RNF144B: variants seen among roughly 807,000 people sequenced by gnomAD.
RNF144B encodes ring finger protein 144B, also known as E3 ubiquitin-protein ligase RNF144B.
In RNF144B, 25 loss-of-function variants were observed where a neutral mutation model predicts 40.2. That is an observed-to-expected ratio of 0.62 (90% confidence interval 0.45 to 0.87). RNF144B has a LOEUF of 0.87. Among genes scored for constraint, RNF144B ranks in the 40% least tolerant of loss-of-function variants. The probability of loss-of-function intolerance (pLI) is 0.00; values close to 1 mark genes in which losing one functional copy is unlikely to be tolerated. For missense variants in RNF144B, 365 were observed against 373.7 expected (o/e 0.98, Z 0.19); for synonymous variants, 145 against 136.3 (o/e 1.06, Z -0.44).
rs184049935 is a variant in RNF144B, at chr6:18,401,535, G to A, written c.165+1836G>A. Among the ~76,000 whole-genome samples, 64 of 152,174 alleles carry A rather than the reference G, an allele frequency of 4.2e-4. No individual in the cohort carries two copies. The East Asian group carries it at 0.01, about 24-fold the overall frequency. Reference sequence around the variant, plus strand: ...CCTGTGAGCTGCCAAAATAGTAAGCGGTGTATGATTACATTAGTGTCTGTA... The same window carrying A: ...CCTGTGAGCTGCCAAAATAGTAAGCAGTGTATGATTACATTAGTGTCTGTA... On this transcript the variant is annotated intron_variant, in intron 2 of 7. Transcript: ENST00000259939.
At chr6:18,431,039 G>A (rs887073880) in intron 3 of RNF144B, among the ~76,000 whole-genome samples, 1 of 151,830 alleles carries the variant, frequency 6.6e-6, no homozygotes, top group Non-Finnish European at 1.5e-5. Context: ...TCAGGAGATC[G>A]AGACCATCCG....
In RNF144B at chr6:18,444,201, G is replaced by A. The variant is rs116413205; in HGVS notation, c.331+4457G>A. On this transcript the variant is annotated intron_variant, in intron 4 of 7. Coordinates refer to ENST00000259939, the MANE Select transcript of RNF144B (RefSeq NM_182757.4). The surrounding 1 kb of genome is among the most constrained non-coding windows in gnomAD (Gnocchi z 4.3). ...ACAAAAATCATCCTCCTGCTTACACGAAGCAAAGAAATACTATCTGATATT... is the reference window on the plus strand; with the variant it reads ...ACAAAAATCATCCTCCTGCTTACACAAAGCAAAGAAATACTATCTGATATT... Among the ~76,000 whole-genome samples, 9,722 of 152,182 alleles carry A rather than the reference G, an allele frequency of 0.064. 402 individuals carry two copies. The highest frequency in any genetic ancestry group is 0.083 in the Non-Finnish European group (5,612 of 67,994).
rs2113456251 is a variant in RNF144B, at chr6:18,395,424, A to G, written c.-36-4075A>G. ...GTGAAGACCGGTGAATAGTAATATGACACAAAGGAAGAAATGCAAGGAAAC... is the reference window on the plus strand; with the variant it reads ...GTGAAGACCGGTGAATAGTAATATGGCACAAAGGAAGAAATGCAAGGAAAC... On this transcript the variant is annotated intron_variant, in intron 1 of 7. Coordinates refer to ENST00000259939, the MANE Select transcript of RNF144B (RefSeq NM_182757.4). This position sits in a 1 kb window ranked among gnomAD's most constrained non-coding sequence, Gnocchi z 4.5. Among the ~76,000 whole-genome samples the G allele has an allele frequency of 6.6e-6, 1 of 152,274 alleles. No individual in the cohort carries two copies. Among genetic ancestry groups the G allele is most frequent in the South Asian group, 2.1e-4 (1 of 4,824 alleles).
In RNF144B at chr6:18,464,073, T is replaced by A. The variant is rs1214238182; in HGVS notation, c.771+693T>A. On this transcript the variant is annotated intron_variant, in intron 7 of 7. Transcript: ENST00000259939. This position sits in a 1 kb window ranked among gnomAD's most constrained non-coding sequence, Gnocchi z 6.1. ...TGGGTGGGGACACAGCCAAACCATA[T>A]CAGGCAGTGCTCTAAAACCCTGTGA... 6.6e-6 allele frequency among the ~76,000 whole-genome samples: 1 copy of A among 152,196 alleles called. No individual in the cohort carries two copies. Among genetic ancestry groups the A allele is most frequent in the Non-Finnish European group, 1.5e-5 (1 of 68,028 alleles).
chr6:18,438,810 G>T (rs1052031388), intron 3 of RNF144B, among the ~76,000 whole-genome samples: 1 of 152,036 alleles, frequency 6.6e-6, no homozygotes, highest in Non-Finnish European at 1.5e-5. Context: ...CTTACTGGAT[G>T]TCTGGAAGGC....
In RNF144B at chr6:18,442,415, G is replaced by A. The variant is rs569161993; in HGVS notation, c.331+2671G>A. Among the ~76,000 whole-genome samples the A allele has an allele frequency of 1.3e-5, 2 of 152,292 alleles. No individual in the cohort carries two copies. The highest frequency in any genetic ancestry group is 2.4e-5 in the African/African-American group (1 of 41,552). ...TGGATCCCATGCATTAACAATTCATGTTGTTATTCTTATTTTATAGATGAA... is the reference window on the plus strand; with the variant it reads ...TGGATCCCATGCATTAACAATTCATATTGTTATTCTTATTTTATAGATGAA... On this transcript the variant is annotated intron_variant, in intron 4 of 7. Transcript: ENST00000259939. The surrounding 1 kb of genome is among the most constrained non-coding windows in gnomAD (Gnocchi z 4.3).
At chr6:18,439,802 C>A in intron 4 of RNF144B, 58 bp downstream of exon 4, 1 of 1,141,046 alleles carries the variant, frequency 8.8e-7, no homozygotes, top group Non-Finnish European at 1.3e-6. Context: ...GTCATTTTTA[C>A]ACTAACCCAC....
chr6:18,447,867 G>A lies in RNF144B; in HGVS notation c.331+8123G>A, dbSNP rs1759116918. Among the ~76,000 whole-genome samples the A allele has an allele frequency of 2.0e-5, 3 of 152,198 alleles. No individual in the cohort carries two copies. On this transcript the variant is annotated intron_variant, in intron 4 of 7. Coordinates refer to ENST00000259939, the MANE Select transcript of RNF144B (RefSeq NM_182757.4). This position sits in a 1 kb window ranked among gnomAD's most constrained non-coding sequence, Gnocchi z 5.6. The stretch of plus-strand genomic sequence containing the variant: ...CTGGGACACTATAGGTTTTAGAAGA[G>A]GTGGATCTGGCAAAGGAGATTGACA...
At chr6:18,440,391 A>C (rs989493803) in intron 4 of RNF144B, among the ~76,000 whole-genome samples, 4 of 152,100 alleles carry the variant, frequency 2.6e-5, no homozygotes, top group African/African-American at 9.7e-5. Flanking sequence ...TAAATGGACT[A>C]TTTCTTAGTA....
Position 18,387,400 on chromosome 6 carries a change from A to C in RNF144B, c.-267A>C. The C allele has an allele frequency of 8.6e-7, 1 of 1,158,460 alleles. No individual in the cohort carries two copies. Among genetic ancestry groups the C allele is most frequent in the Non-Finnish European group, 1.1e-6 (1 of 923,042 alleles). The allele number at this position is 1,158,460 out of a possible 1,614,324, so 71.8% of individuals were successfully genotyped here. A position where few individuals can be genotyped will look rare whatever the true frequency, so the allele number is the denominator to read the frequency against. Reference sequence around the variant, plus strand: ...AACAGTCCCGGGCATCGCAGCTGCCAGTCAAGGCTAGGAGGCGGTCGGGGA... The same window carrying C: ...AACAGTCCCGGGCATCGCAGCTGCCCGTCAAGGCTAGGAGGCGGTCGGGGA... On this transcript the variant is annotated 5_prime_UTR_variant, in exon 1 of 8. Transcript: ENST00000259939.
chr6:18,428,836 A>T (rs1292108578), intron 3 of RNF144B, among the ~76,000 whole-genome samples: 1 of 152,150 alleles, frequency 6.6e-6, no homozygotes, highest in African/African-American at 2.4e-5. Context: ...CATATCTAGA[A>T]AGTAGAAGAG....
At chr6:18,431,176 A>AGATT (rs919488147) in intron 3 of RNF144B, among the ~76,000 whole-genome samples, 3 of 152,050 alleles carry the variant, frequency 2.0e-5, no homozygotes, top group African/African-American at 7.2e-5. Context: ...CAGAGAGCTG[A>AGATT]GATTGCACTA....
At chr6:18,463,011 C>T (rs1236958058) in intron 6 of RNF144B, among the ~76,000 whole-genome samples, 6 of 152,144 alleles carry the variant, frequency 3.9e-5, no homozygotes, top group East Asian at 1.9e-4. Context: ...ATTGTACCTC[C>T]GCCAGAGCTA....
chr6:18,451,861 C>G (rs1296546957), intron 4 of RNF144B, among the ~76,000 whole-genome samples: 1 of 152,038 alleles, frequency 6.6e-6, no homozygotes, highest in African/African-American at 2.4e-5. Context: ...TCATTGTTGC[C>G]CTTGTAAGTG....
intron 4 of RNF144B, among the ~76,000 whole-genome samples, chr6:18,454,277 G>T (rs1215715147): frequency 3.3e-5 from 5 of 152,168 alleles, no homozygotes; most frequent in Non-Finnish European, 7.3e-5. Flanking sequence ...CCAAGACTTA[G>T]TTTCATGGAA....
intron 2 of RNF144B, among the ~76,000 whole-genome samples, chr6:18,413,029 G>A (rs1202638122): frequency 6.6e-6 from 1 of 152,070 alleles, no homozygotes; most frequent in East Asian, 1.9e-4. Flanking sequence ...AATATGCAAG[G>A]GTACTATTTT....
rs1794894042 is a variant in RNF144B at position 18,405,878 on chromosome 6, A to G, written c.165+6179A>G. ...GCAAGAGAGGAAAGAACAGCAGAAG[A>G]AAACCATACTATTAAGGCCCTAATG... On this transcript the variant is annotated intron_variant, in intron 2 of 7. Coordinates refer to ENST00000259939, the MANE Select transcript of RNF144B (RefSeq NM_182757.4). This position sits in a 1 kb window ranked among gnomAD's most constrained non-coding sequence, Gnocchi z 4.5. Among the ~76,000 whole-genome samples, 1 of 152,202 alleles carries G rather than the reference A, an allele frequency of 6.6e-6. No homozygotes were observed. The highest frequency in any genetic ancestry group is 1.5e-5 in the Non-Finnish European group (1 of 68,036).
intron 3 of RNF144B, among the ~76,000 whole-genome samples, chr6:18,428,628 A>G (rs371419470): frequency 6.6e-6 from 1 of 152,160 alleles, no homozygotes; most frequent in South Asian, 2.1e-4. Context: ...CCTCTGAACG[A>G]CATCCCAAGA....
rs572641534 is a variant in RNF144B at position 18,444,152 on chromosome 6, G to A, written c.331+4408G>A. ...TGTCCTTTATGTCTTTAAGTCTGAC[G>A]GAAAATATTTTGAATAGGATTGCAC... On this transcript the variant is annotated intron_variant, in intron 4 of 7. Coordinates refer to ENST00000259939, the MANE Select transcript of RNF144B (RefSeq NM_182757.4). The surrounding 1 kb of genome is among the most constrained non-coding windows in gnomAD (Gnocchi z 4.3). Among the ~76,000 whole-genome samples the A allele has an allele frequency of 1.1e-4, 16 of 152,178 alleles. 1 individual carries two copies. In the South Asian group the frequency reaches 2.5e-3, roughly 24 times the overall value.
Sources: gnomAD v4.1 joint callset for allele counts (sites outside exome capture counted in the v4.1 genomes callset) on GRCh38, gnomAD v4.1.1 for gene constraint, Gnocchi (gnomAD v3.1) non-coding constraint, MANE v1.5 for transcripts, NCBI Gene and HGNC (gene_info 2026-07-23, HGNC 2026-07-21) for gene names.